DPY19L4: variants seen among roughly 807,000 people sequenced by gnomAD.
DPY19L4 encodes the protein probable C-mannosyltransferase DPY19L4.
A neutral mutation model predicts 102.8 loss-of-function variants in DPY19L4; 97 were observed. The observed-to-expected ratio is 0.94, with a 90% CI of 0.80 to 1.12. The LOEUF is 1.12. Ranked by LOEUF, DPY19L4 falls within the 50% of genes most tolerant of loss-of-function variation. The pLI, the probability that DPY19L4 is intolerant of heterozygous loss-of-function variation, is 0.00. For synonymous variants in DPY19L4, 252 were observed against 283.1 expected (o/e 0.89, Z 1.10); for missense variants, 815 against 850.4 (o/e 0.96, Z 0.52).
intron 7 of DPY19L4, among the ~76,000 whole-genome samples, chr8:94,758,583 C>T (rs1037279849): frequency 6.6e-6 from 1 of 152,146 alleles, no homozygotes; most frequent in Non-Finnish European, 1.5e-5. Context: ...ATTTTGTCAC[C>T]TTGAAAGGTT....
intron 16 of DPY19L4, among the ~76,000 whole-genome samples, 188 bp downstream of exon 16, chr8:94,781,354 G>GA (rs1183575804): frequency 6.6e-6 from 1 of 152,122 alleles, no homozygotes; most frequent in African/African-American, 2.4e-5. Context: ...CCATGGGCTT[G>GA]AAAATATAGC....
chr8:94,777,216 G>A (rs1369944650), intron 13 of DPY19L4, among the ~76,000 whole-genome samples: 3 of 151,908 alleles, frequency 2.0e-5, no homozygotes, highest in Non-Finnish European at 2.9e-5. Flanking sequence ...ACAGGCATGT[G>A]TCACCATGCC....
chr8:94,739,898 C>A, intron 6 of DPY19L4, 108 bp downstream of exon 6: 1 of 1,320,368 alleles, frequency 7.6e-7, no homozygotes, highest in Non-Finnish European at 1.0e-6. Flanking sequence ...TCCTCAGAAC[C>A]TATGAATATG....
At chr8:94,783,947 T>C in intron 17 of DPY19L4, 145 bp downstream of exon 17, 1 of 952,304 alleles carries the variant, frequency 1.1e-6, no homozygotes, top group Non-Finnish European at 1.5e-6. Flanking sequence ...TAAAAAACCT[T>C]TTTAATTAAT....
chr8:94,729,795 C>T (rs1330924036), intron 2 of DPY19L4, among the ~76,000 whole-genome samples: 1 of 151,914 alleles, frequency 6.6e-6, no homozygotes, highest in African/African-American at 2.4e-5. Flanking sequence ...CACGCCACTG[C>T]ACTCCAGCCT....
At chr8:94,756,240 G>A in intron 7 of DPY19L4, 81 bp downstream of exon 7, 2 of 1,536,484 alleles carry the variant, frequency 1.3e-6, no homozygotes, top group Non-Finnish European at 8.8e-7. Context: ...ATAAATTTTA[G>A]TCCTAGTAAG....
chr8:94,769,136 AC>A (rs1451571681), intron 12 of DPY19L4, among the ~76,000 whole-genome samples: 1 of 138,048 alleles, frequency 7.2e-6, no homozygotes, highest in Non-Finnish European at 1.5e-5. Context: ...ATCTCGGCTC[AC>A]CACAACCTCC....
At position 94,770,561 on chromosome 8, in the gene DPY19L4, G is replaced by T; in HGVS notation, c.1444G>T (p.Val482Phe). 6.2e-7 allele frequency: 1 copy of T among 1,612,766 alleles called. No individual in the cohort carries two copies. The highest frequency in any genetic ancestry group is 8.5e-7 in the Non-Finnish European group (1 of 1,179,604). Residue 482 changes from valine to phenylalanine, a missense_variant, in exon 13 of 19, where the codon GTT becomes TTT. Physicochemically the swap from Val to Phe is conservative, Grantham distance 50 (BLOSUM62 -1). Coordinates refer to ENST00000414645, the MANE Select transcript of DPY19L4 (RefSeq NM_181787.3). ...HTILLGSLAM[V>F]IEGLKYIWIP... is the part of the protein sequence containing the mutation. The stretch of plus-strand genomic sequence containing the variant: ...TATTTTATTGGGTTCTCTTGCAATG[G>T]TTATAGAAGGGTAAGTGTACTTTAT...
chr8:94,748,924 T>C (rs11995317), intron 6 of DPY19L4, among the ~76,000 whole-genome samples: 69,372 of 152,026 alleles, frequency 0.46, 18,021 homozygotes, highest in African/African-American at 0.73. Flanking sequence ...AAGAAATACC[T>C]AAGACTGGGA....
chr8:94,786,626 C>A (rs557383377), intron 17 of DPY19L4, among the ~76,000 whole-genome samples: 1 of 152,204 alleles, frequency 6.6e-6, no homozygotes, highest in South Asian at 2.1e-4. Flanking sequence ...CGGCTCACTG[C>A]AACCTCCATC....
At chr8:94,777,016 TA>T (rs1813216509) in intron 13 of DPY19L4, among the ~76,000 whole-genome samples, 2 of 151,958 alleles carry the variant, frequency 1.3e-5, no homozygotes, top group South Asian at 2.1e-4. Flanking sequence ...TATGCTAATA[TA>T]TTTTTAGGCT....
chr8:94,782,031 T>A (rs1383016853), intron 16 of DPY19L4, among the ~76,000 whole-genome samples: 1 of 152,214 alleles, frequency 6.6e-6, no homozygotes, highest in African/African-American at 2.4e-5. Context: ...CAATGCAGTG[T>A]GCGATAAACA....
chr8:94,720,355 G>C (rs1451553183), intron 1 of DPY19L4: 1 of 806,782 alleles, frequency 1.2e-6, no homozygotes, highest in East Asian at 1.2e-4. Context: ...TGGTTTCGAA[G>C]ATCAGGTTTA....
intron 7 of DPY19L4, among the ~76,000 whole-genome samples, chr8:94,758,035 C>A (rs1812239395): frequency 6.6e-6 from 1 of 151,954 alleles, no homozygotes; most frequent in Admixed American, 6.6e-5. Context: ...TCGCTTGAAC[C>A]CGGAGGTGGG....
chr8:94,729,701 C>T (rs1810856320), intron 2 of DPY19L4, among the ~76,000 whole-genome samples: 2 of 140,782 alleles, frequency 1.4e-5, no homozygotes, highest in South Asian at 4.6e-4. Context: ...TGTGGTGGTT[C>T]ATGCCTGTAG....
intron 7 of DPY19L4, among the ~76,000 whole-genome samples, chr8:94,758,507 T>C (rs1210643685): frequency 6.6e-6 from 1 of 152,184 alleles, no homozygotes; most frequent in Non-Finnish European, 1.5e-5. Flanking sequence ...CCTGTGTACC[T>C]TAATAATCAC....
chr8:94,755,344 C>T (rs1384554702), intron 6 of DPY19L4, among the ~76,000 whole-genome samples: 5 of 149,788 alleles, frequency 3.3e-5, no homozygotes, highest in Admixed American at 2.0e-4. Context: ...GCTAATTATG[C>T]GGTGCAGATT....
intron 6 of DPY19L4, among the ~76,000 whole-genome samples, chr8:94,743,151 C>T (rs2130828752): frequency 6.6e-6 from 1 of 152,258 alleles, no homozygotes; most frequent in South Asian, 2.1e-4. Flanking sequence ...CCTCAGCCTC[C>T]TGAGTAGCTG....
intron 6 of DPY19L4, among the ~76,000 whole-genome samples, chr8:94,742,026 G>A (rs1241890860): frequency 1.3e-5 from 2 of 152,212 alleles, no homozygotes; most frequent in African/African-American, 4.8e-5. Context: ...TAGAAAGACA[G>A]AAAGTTATAA....
Sources: allele counts gnomAD v4.1 joint callset (sites outside exome capture counted in the v4.1 genomes callset), GRCh38; gene constraint gnomAD v4.1.1; transcripts MANE v1.5; gene names NCBI Gene and HGNC (gene_info 2026-07-23, HGNC 2026-07-21).